SMURF1: variants seen among roughly 807,000 people sequenced by gnomAD.
SMURF1 encodes the protein E3 ubiquitin-protein ligase SMURF1.
SMURF1 carries 44 observed loss-of-function variants against 98.0 expected under a neutral mutation model. The ratio of observed to expected loss-of-function variants is 0.45; its 90% confidence interval spans 0.35 to 0.58. The LOEUF (loss-of-function observed/expected upper bound fraction) is 0.58, where lower values mean the gene tolerates loss of function less well. SMURF1 is among the 20% of genes least tolerant of loss of function. The pLI, the probability that SMURF1 is intolerant of heterozygous loss-of-function variation, is 0.00. For synonymous variants in SMURF1, 396 were observed against 374.9 expected (o/e 1.06, Z -0.65); for missense variants, 687 against 938.4 (o/e 0.73, Z 3.50).
intron 1 of SMURF1, among the ~76,000 whole-genome samples, chr7:99,067,857 G>C (rs1796232797): frequency 6.6e-6 from 1 of 152,084 alleles, no homozygotes; most frequent in Non-Finnish European, 1.5e-5. Flanking sequence ...GGCAGACTGA[G>C]CCAGGAAAAT....
intron 1 of SMURF1, among the ~76,000 whole-genome samples, chr7:99,063,765 G>A (rs992458512): frequency 6.9e-6 from 1 of 145,786 alleles, no homozygotes; most frequent in Non-Finnish European, 1.5e-5. Context: ...ATTAAGATGG[G>A]TTTATCAATA....
At chr7:99,139,179 C>T (rs1472340309) in intron 1 of SMURF1, among the ~76,000 whole-genome samples, 3 of 152,178 alleles carry the variant, frequency 2.0e-5, no homozygotes, top group Admixed American at 6.5e-5. Flanking sequence ...AATTCATCAA[C>T]CAACATCATC....
At chr7:99,033,464 CT>C (rs1448029040) in intron 16 of SMURF1, among the ~76,000 whole-genome samples, 5 of 152,186 alleles carry the variant, frequency 3.3e-5, no homozygotes, top group Non-Finnish European at 5.9e-5. Context: ...GCCACCACGC[CT>C]GGCTAATTGT....
At chr7:99,054,223 A>C (rs187406356) in intron 6 of SMURF1, among the ~76,000 whole-genome samples, 1 of 151,362 alleles carries the variant, frequency 6.6e-6, no homozygotes, top group Non-Finnish European at 1.5e-5. Context: ...AGGCAGTTAT[A>C]ATTCTTATTG....
intron 8 of SMURF1, chr7:99,050,901 G>C (rs756966282): frequency 1.2e-5 from 16 of 1,331,590 alleles, no homozygotes; most frequent in East Asian, 1.1e-4. Context: ...GGGTGGGGGG[G>C]GGGTCTCTCT....
intron 1 of SMURF1, among the ~76,000 whole-genome samples, chr7:99,063,237 TTATTTATATA>T (rs1796081751): frequency 3.9e-5 from 3 of 76,914 alleles, no homozygotes; most frequent in African/African-American, 2.1e-4. Context: ...TATATAAGAT[TTATTTATATA>T]TATATATATA....
chr7:99,042,655 CAAA>C (rs202218249), intron 11 of SMURF1, among the ~76,000 whole-genome samples: 1 of 151,512 alleles, frequency 6.6e-6, no homozygotes, highest in Non-Finnish European at 1.5e-5. Flanking sequence ...ACAGTCAAGC[CAAA>C]AAAAAGGCAC....
intron 6 of SMURF1, 136 bp downstream of exon 6, chr7:99,054,652 TCA>T (rs1584463379): frequency 1.4e-6 from 1 of 723,224 alleles, no homozygotes; most frequent in Non-Finnish European, 2.3e-6. Context: ...GTAAACTGGT[TCA>T]CAGTTTTATC....
chr7:99,076,817 A>G (rs900788453), intron 1 of SMURF1, among the ~76,000 whole-genome samples: 5 of 150,596 alleles, frequency 3.3e-5, no homozygotes, highest in Non-Finnish European at 7.4e-5. Context: ...GCAAGTGTGC[A>G]TGTGTGCACG....
intron 1 of SMURF1, among the ~76,000 whole-genome samples, chr7:99,085,148 C>T (rs1011297485): frequency 2.0e-5 from 3 of 151,720 alleles, no homozygotes; most frequent in Non-Finnish European, 1.5e-5. Flanking sequence ...GTCAGGAGTT[C>T]GAGACCAGCC....
rs1312287910 is a variant in SMURF1 at position 99,035,583 on chromosome 7, C to T, written c.1943G>A (p.Arg648Lys). 6.8e-6 allele frequency: 11 copies of T among 1,614,256 alleles called. No homozygotes were observed. In the East Asian group the frequency reaches 2.5e-4, roughly 36 times the overall value. ...AGTCACAAACTGCAGGAGCCTGGCC[C>T]TCCTTTCTTCATCGAACGTCTCCAC... Reference protein sequence around the residue: ...QAVETFDEERRARLLQFVTGS... With the variant: ...QAVETFDEERKARLLQFVTGS... Residue 648 changes from arginine (R) to lysine (K), a missense_variant, in exon 16 of 18, where the codon AGG (arginine) becomes AAG (lysine). Around this residue, in one of 2 missense-constraint regions of SMURF1, gnomAD observed 272 missense variants for 430.0 expected, o/e 0.63. Coordinates refer to ENST00000361368, the MANE Select transcript of SMURF1 (RefSeq NM_181349.3).
At chr7:99,046,183 T>C (rs1360395685) in intron 10 of SMURF1, among the ~76,000 whole-genome samples, 13 of 152,164 alleles carry the variant, frequency 8.5e-5, no homozygotes, top group Admixed American at 7.9e-4. Flanking sequence ...AAAGTCTGAA[T>C]GCTAAGAGAG....
chr7:99,044,591 G>C (rs539642728), intron 11 of SMURF1, among the ~76,000 whole-genome samples: 6 of 152,180 alleles, frequency 3.9e-5, no homozygotes, highest in African/African-American at 1.4e-4. Context: ...AGAGAAAGTT[G>C]TAAGTATGAA....
chr7:99,110,272 T>C (rs1019887481), intron 1 of SMURF1, among the ~76,000 whole-genome samples: 2 of 152,148 alleles, frequency 1.3e-5, no homozygotes, highest in Non-Finnish European at 2.9e-5. Context: ...TAAAACCATA[T>C]GAAGAAAGTT....
chr7:99,032,698 A>C (rs546671430), intron 17 of SMURF1, among the ~76,000 whole-genome samples: 1 of 152,178 alleles, frequency 6.6e-6, no homozygotes, highest in Non-Finnish European at 1.5e-5. Flanking sequence ...GAGAAAATCT[A>C]TATTTAAATT....
At chr7:99,067,691 C>T (rs1796227146) in intron 1 of SMURF1, among the ~76,000 whole-genome samples, 1 of 152,200 alleles carries the variant, frequency 6.6e-6, no homozygotes, top group Admixed American at 6.5e-5. Flanking sequence ...GTGGCTCACG[C>T]CTGTAATCCC....
At position 99,055,959 on chromosome 7, in the gene SMURF1, C is replaced by G. The variant is rs886570650; in HGVS notation, c.404-1094G>C. Reference sequence around the variant, plus strand: ...CCAGCCTGGGCGACAGAGCAAGACTCCGTGTCAAAAAAAAAATGAATAAAG... The same window carrying G: ...CCAGCCTGGGCGACAGAGCAAGACTGCGTGTCAAAAAAAAAATGAATAAAG... On this transcript the variant is annotated intron_variant, in intron 5 of 17. Coordinates refer to ENST00000361368, the MANE Select transcript of SMURF1 (RefSeq NM_181349.3). 4.6e-5 allele frequency among the ~76,000 whole-genome samples: 7 copies of G among 151,976 alleles called. No homozygotes were observed. In the East Asian group the frequency reaches 1.4e-3, roughly 29 times the overall value.
chr7:99,051,023 G>C (rs974440534), intron 8 of SMURF1: 1 of 1,520,962 alleles, frequency 6.6e-7, no homozygotes, highest in African/African-American at 1.4e-5. Context: ...AAGTAGAAGA[G>C]AGAAAGGGTA....
chr7:99,060,521 C>G, intron 3 of SMURF1, 78 bp downstream of exon 3: 26 of 603,332 alleles, frequency 4.3e-5, no homozygotes, highest in African/African-American at 7.5e-5. Context: ...TTTTTTTTTT[C>G]TCTTGGATGT....
Sources: allele counts gnomAD v4.1 joint callset (sites outside exome capture counted in the v4.1 genomes callset), GRCh38; gene constraint gnomAD v4.1.1; regional missense constraint gnomAD v4.1.1; transcripts MANE v1.5; gene names NCBI Gene and HGNC (gene_info 2026-07-23, HGNC 2026-07-21).